The following LYRM9 variants were observed in gnomAD, a reference collection of about 807,000 sequenced individuals.
The protein encoded by LYRM9 is LYR motif-containing protein 9.
Under a neutral mutation model 12.6 loss-of-function variants are expected in LYRM9, and 14 were observed. The ratio of observed to expected loss-of-function variants is 1.11; its 90% CI spans 0.73 to 1.73. The LOEUF is 1.73. Ranked by LOEUF, LYRM9 falls within the 40% of genes most tolerant of loss-of-function variation. The pLI is 0.00. For synonymous variants in LYRM9, 42 were observed against 35.1 expected (o/e 1.20, Z -0.69); for missense variants, 94 against 95.0 (o/e 0.99, Z 0.04).
At chr17:27,890,167 A>C (rs1905383698) in intron 1 of LYRM9, among the ~76,000 whole-genome samples, 1 of 152,146 alleles carries the variant, frequency 6.6e-6, no homozygotes, top group African/African-American at 2.4e-5. Context: ...TGCTTCGTGA[A>C]TCTACCTGCT....
intron 2 of LYRM9, chr17:27,880,794 CTA>C: frequency 2.1e-5 from 4 of 193,334 alleles, no homozygotes; most frequent in Non-Finnish European, 2.1e-5. Flanking sequence ...CGGCCCAGTG[CTA>C]GGAGAGCTAC....
At chr17:27,885,925 A>G (rs1286136269) in intron 1 of LYRM9, among the ~76,000 whole-genome samples, 1 of 152,102 alleles carries the variant, frequency 6.6e-6, no homozygotes, top group Non-Finnish European at 1.5e-5. Context: ...GCTGTAAGGC[A>G]GAGTCGGACA....
intron 1 of LYRM9, 40 bp from the exon 2 acceptor site, chr17:27,882,752 A>C: frequency 6.5e-7 from 1 of 1,528,922 alleles, no homozygotes; most frequent in African/African-American, 1.4e-5. Context: ...CATCAAGCCA[A>C]GTTCAGTACT....
chr17:27,889,205 G>A (rs1905338314), intron 1 of LYRM9, among the ~76,000 whole-genome samples: 1 of 152,182 alleles, frequency 6.6e-6, no homozygotes, highest in African/African-American at 2.4e-5. Flanking sequence ...TTTGACCTGG[G>A]AATTCAAGGA....
rs111917520 is a variant in LYRM9, at chr17:27,891,090, C to T, written c.-19+2227G>A. ...TCTGTCTCCCTCCTTCCAGCCCAAT[C>T]CACATGGTGCCACCCAAGAACACTT... On this transcript the variant is annotated intron_variant, in intron 1 of 3. Coordinates refer to ENST00000379102, the MANE Select transcript of LYRM9 (RefSeq NM_001076680.3). Among the ~76,000 whole-genome samples the T allele has an allele frequency of 2.9e-3, 441 of 152,232 alleles. 2 individuals carry two copies. Among genetic ancestry groups the T allele is most frequent in the Middle Eastern group, 0.014 (4 of 294 alleles).
At chr17:27,889,211 A>C (rs1447486830) in intron 1 of LYRM9, among the ~76,000 whole-genome samples, 1 of 152,152 alleles carries the variant, frequency 6.6e-6, no homozygotes, top group African/African-American at 2.4e-5. Flanking sequence ...CTGGGAATTC[A>C]AGGAATGCAG....
chr17:27,887,430 T>G (rs560161367), intron 1 of LYRM9, among the ~76,000 whole-genome samples: 98 of 152,340 alleles, frequency 6.4e-4, no homozygotes, highest in African/African-American at 2.3e-3. Context: ...GCAAAAATCA[T>G]GAGGGTCCTG....
At position 27,889,079 on chromosome 17, in the gene LYRM9, C is replaced by T. The variant is rs117430824; in HGVS notation, c.-19+4238G>A. ...AAAGTGTCTCTGTCCCACTTGCCCT[C>T]CTCTCAACACACGTACCTTTATTTT... On this transcript the variant is annotated intron_variant, in intron 1 of 3. Coordinates refer to ENST00000379102, the MANE Select transcript of LYRM9 (RefSeq NM_001076680.3). 6.3e-3 allele frequency among the ~76,000 whole-genome samples: 965 copies of T among 152,270 alleles called. 7 individuals carry two copies. Among genetic ancestry groups the T allele is most frequent in the Non-Finnish European group, 0.01 (714 of 68,012 alleles).
intron 3 of LYRM9, 133 bp downstream of exon 3, chr17:27,880,141 G>T (rs1403425438): frequency 2.7e-6 from 2 of 741,428 alleles, no homozygotes; most frequent in East Asian, 5.3e-5. Context: ...CTGGAGGAGG[G>T]AAGCAGCTGG....
chr17:27,879,880 T>G, intron 3 of LYRM9: 2 of 579,688 alleles, frequency 3.5e-6, no homozygotes, highest in Non-Finnish European at 6.1e-6. Flanking sequence ...GTTTCCTCCA[T>G]AATTCTGCCC....
intron 1 of LYRM9, among the ~76,000 whole-genome samples, chr17:27,889,171 A>C (rs908740979): frequency 2.6e-5 from 4 of 152,142 alleles, no homozygotes; most frequent in Non-Finnish European, 5.9e-5. Flanking sequence ...GACCAACTCC[A>C]CAGGCAGTGG....
intron 1 of LYRM9, among the ~76,000 whole-genome samples, chr17:27,891,441 G>A (rs955204145): frequency 8.5e-5 from 13 of 152,114 alleles, no homozygotes; most frequent in African/African-American, 3.1e-4. Flanking sequence ...ATGAAATAAC[G>A]CTCCTAGACT....
At chr17:27,880,502 T>C (rs758268313) in intron 2 of LYRM9, 136 bp from the exon 3 acceptor site, 13 of 632,364 alleles carry the variant, frequency 2.1e-5, no homozygotes, top group South Asian at 1.3e-4. Flanking sequence ...TAGACTGTTA[T>C]GATTATCCCA....
At chr17:27,880,249 CAGAG>C in intron 3 of LYRM9, 21 bp downstream of exon 3, 1 of 1,569,544 alleles carries the variant, frequency 6.4e-7, no homozygotes, top group Non-Finnish European at 8.7e-7. Context: ...AGCTCGCAGG[CAGAG>C]CCCAGGGGCC....
chr17:27,888,022 T>C (rs548083908), intron 1 of LYRM9, among the ~76,000 whole-genome samples: 3 of 152,296 alleles, frequency 2.0e-5, no homozygotes, highest in African/African-American at 7.2e-5. Flanking sequence ...CTTTACTCCA[T>C]CGAACAATTT....
chr17:27,891,007 T>C (rs1905422932), intron 1 of LYRM9, among the ~76,000 whole-genome samples: 1 of 151,422 alleles, frequency 6.6e-6, no homozygotes, highest in African/African-American at 2.4e-5. Context: ...CTGTTGGCAT[T>C]ACCTTGGTTC....
chr17:27,890,014 G>A (rs1048267465), intron 1 of LYRM9, among the ~76,000 whole-genome samples: 2 of 152,192 alleles, frequency 1.3e-5, no homozygotes, highest in African/African-American at 4.8e-5. Flanking sequence ...TATTTTAAGG[G>A]AGGTATCATT....
chr17:27,887,716 GTGTGTGTGTGTGT>G (rs1905279784), intron 1 of LYRM9, among the ~76,000 whole-genome samples: 9 of 115,800 alleles, frequency 7.8e-5, no homozygotes, highest in Non-Finnish European at 1.2e-4. Context: ...GAGGGAGGGT[GTGTGTGTGTGTGT>G]GTGTGTGTGT....
intron 1 of LYRM9, chr17:27,892,245 T>C (rs1905481513): frequency 2.8e-6 from 1 of 356,100 alleles, no homozygotes; most frequent in African/African-American, 2.2e-5. Context: ...CATCTTACCC[T>C]TTCCTACTTT....
Sources: allele counts gnomAD v4.1 joint callset (sites outside exome capture counted in the v4.1 genomes callset), GRCh38; gene constraint gnomAD v4.1.1; transcripts MANE v1.5; gene names NCBI Gene and HGNC (gene_info 2026-07-23, HGNC 2026-07-21).